Variants in CA5B observed in about 807,000 individuals in gnomAD.
CA5B encodes the protein carbonic anhydrase 5B.
CA5B carries 15 observed loss-of-function variants against 23.1 expected under a neutral mutation model. That is an observed-to-expected ratio of 0.65 (90% CI 0.43 to 1.00). The LOEUF is 1.00. CA5B is among the 50% of genes least tolerant of loss of function. CA5B has a pLI of 0.00. For missense variants in CA5B, 236 were observed against 252.2 expected (o/e 0.94, Z 0.43); for synonymous variants, 84 against 98.5 (o/e 0.85, Z 0.87).
intron 2 of CA5B, among the ~76,000 whole-genome samples, chrX:15,763,762 G>A (rs1168777823): frequency 8.9e-6 from 1 of 112,036 alleles, no homozygotes; most frequent in East Asian, 2.8e-4. Flanking sequence ...TGAGATACTG[G>A]TAGTATGGGA....
At chrX:15,750,200 G>A in intron 2 of CA5B, 35 bp downstream of exon 2, 1 of 1,042,151 alleles carries the variant, frequency 9.6e-7, no homozygotes, top group Non-Finnish European at 1.3e-6. Context: ...GAACAAAAAG[G>A]GCTCCAGCCT....
chrX:15,776,747 T>C lies in CA5B; in HGVS notation c.652T>C (p.Ser218Pro). 6.6e-6 allele frequency: 8 copies of C among 1,209,633 alleles called. No homozygotes were observed. Among genetic ancestry groups the C allele is most frequent in the Non-Finnish European group, 9.0e-6 (8 of 893,403 alleles). The part of the protein sequence containing the change: ...ALVEFGSFDP[S>P]CLMPTCPDYW... ...TGTGGAATTTGGGTCATTTGACCCT[T>C]CCTGCCTGATGCCTACCTGCCCAGA... The change falls in exon 7 of 8, where the codon TCC becomes CCC. Residue 218 changes from serine (S) to proline (P), a missense_variant. Around this residue, in one of 3 missense-constraint regions of CA5B, gnomAD observed 170 missense variants for 162.0 expected, o/e 1.05. Transcript: ENST00000318636.
At chrX:15,757,098 G>T (rs756964419) in intron 2 of CA5B, among the ~76,000 whole-genome samples, 86 of 100,128 alleles carry the variant, frequency 8.6e-4, no homozygotes, top group African/African-American at 3.0e-3. Flanking sequence ...GTAGATGGCC[G>T]GGTGCAGTGG....
chrX:15,740,736 G>A (rs1220358742), intron 1 of CA5B, among the ~76,000 whole-genome samples: 2 of 112,317 alleles, frequency 1.8e-5, no homozygotes, highest in African/African-American at 6.5e-5. Flanking sequence ...TTTCCTCTCA[G>A]CTATCCCATT....
chrX:15,740,438 G>A (rs1367057329), intron 1 of CA5B, among the ~76,000 whole-genome samples: 1 of 112,467 alleles, frequency 8.9e-6, no homozygotes, highest in East Asian at 2.8e-4. Flanking sequence ...CCTTAGGCCT[G>A]AACAAAAATA....
At chrX:15,752,975 T>C (rs1426297209) in intron 2 of CA5B, among the ~76,000 whole-genome samples, 1 of 111,205 alleles carries the variant, frequency 9.0e-6, no homozygotes, top group Non-Finnish European at 1.9e-5. Flanking sequence ...TAAATTTACC[T>C]ATAGCGTAGA....
At position 15,784,458 on chromosome X, in the gene CA5B, G is replaced by A. The variant is rs1386169208; in HGVS notation, c.*1794G>A. On this transcript the variant is annotated 3_prime_UTR_variant, in exon 8 of 8. Coordinates refer to ENST00000318636, the MANE Select transcript of CA5B (RefSeq NM_007220.4). Reference sequence around the variant, plus strand: ...ATAGGGAGAGAAACTTGTCAGATAGGCTAAAATCTAGATAATTCTACATAT... The same window carrying A: ...ATAGGGAGAGAAACTTGTCAGATAGACTAAAATCTAGATAATTCTACATAT... 1 of 111,968 alleles carries A rather than the reference G, an allele frequency of 8.9e-6. No individual in the cohort carries two copies. Among genetic ancestry groups the A allele is most frequent in the Non-Finnish European group, 1.9e-5 (1 of 53,231 alleles). 9.2% of individuals were successfully genotyped at this position (111,968 alleles called of 1,213,427 possible).
At chrX:15,779,246 C>T (rs980796648) in intron 7 of CA5B, among the ~76,000 whole-genome samples, 8 of 111,367 alleles carry the variant, frequency 7.2e-5, no homozygotes, top group Non-Finnish European at 1.3e-4. Flanking sequence ...GATTGATGTT[C>T]CAGCTCAAGC....
At chrX:15,776,478 G>A (rs1417442817) in intron 6 of CA5B, among the ~76,000 whole-genome samples, 1 of 111,655 alleles carries the variant, frequency 9.0e-6, no homozygotes, top group Non-Finnish European at 1.9e-5. Flanking sequence ...AGATCAAGTG[G>A]TTTTGGCCGT....
chrX:15,776,858 G>A lies in CA5B; in HGVS notation c.763G>A (p.Asp255Asn). Residue 255 changes from aspartate (D) to asparagine (N), a missense_variant, in exon 7 of 8, where the codon GAT (aspartate) becomes AAT (asparagine). Around this residue, in one of 3 missense-constraint regions of CA5B, gnomAD observed 170 missense variants for 162.0 expected, o/e 1.05. Transcript: ENST00000318636. ...CATTAAGAAGCAACCAGTAGAGGTT[G>A]ATCATGATCAGGTATGTTCTCTCCA... is the stretch of plus-strand genomic sequence containing the variant. Reference protein sequence around the residue: ...WIIKKQPVEVDHDQLEQFRTL... With the variant: ...WIIKKQPVEVNHDQLEQFRTL... 8.3e-7 allele frequency: 1 copy of A among 1,207,448 alleles called. No homozygotes were observed. Among genetic ancestry groups the A allele is most frequent in the Non-Finnish European group, 1.1e-6 (1 of 892,005 alleles).
intron 1 of CA5B, among the ~76,000 whole-genome samples, chrX:15,743,080 T>C (rs1931155471): frequency 8.9e-6 from 1 of 112,499 alleles, no homozygotes; most frequent in African/African-American, 3.2e-5. Context: ...TCCTACTGCC[T>C]TCCTCCTGGT....
chrX:15,777,682 T>C (rs974323296), intron 7 of CA5B, among the ~76,000 whole-genome samples: 4 of 112,560 alleles, frequency 3.6e-5, no homozygotes, highest in African/African-American at 9.7e-5. Flanking sequence ...ATGATATTAA[T>C]GTAATTCATT....
At chrX:15,759,193 TC>T (rs1377175393) in intron 2 of CA5B, among the ~76,000 whole-genome samples, 1 of 111,148 alleles carries the variant, frequency 9.0e-6, no homozygotes, top group African/African-American at 3.3e-5. Flanking sequence ...GAATGAGCTT[TC>T]CGTGTTTCAA....
intron 1 of CA5B, among the ~76,000 whole-genome samples, chrX:15,745,168 C>CAAAAAAAAAAAAAAAAAAAA (rs371053756): frequency 5.8e-5 from 2 of 34,320 alleles, no homozygotes; most frequent in African/African-American, 1.1e-4. Flanking sequence ...GACTCTGTCT[C>CAAAAAAAAAAAAAAAAAAAA]AAAAAAAAAA....
At position 15,750,100 on chromosome X, in the gene CA5B, C is replaced by T. The variant is rs769809997; in HGVS notation, c.77C>T (p.Pro26Leu). The change falls in exon 2 of 8, where the codon CCG (proline) becomes CTG (leucine). Residue 26 changes from proline (P) to leucine (L), a missense_variant. By Grantham distance (98) the Pro-to-Leu change is moderately conservative. Transcript: ENST00000318636. ...TTGCTGTGGAGAAAGTTCCAGATTC[C>T]GAGATTCATGCCAGCGAGGCCCTGC... ...GKLLWRKFQI[P>L]RFMPARPCSL... The T allele has an allele frequency of 2.7e-5, 33 of 1,210,028 alleles. No individual in the cohort carries two copies. Among genetic ancestry groups the T allele is most frequent in the Admixed American group, 1.3e-4 (6 of 45,765 alleles).
At chrX:15,769,591 C>T in intron 3 of CA5B, 1 of 753,408 alleles carries the variant, frequency 1.3e-6, no homozygotes, top group African/African-American at 2.3e-5. Flanking sequence ...TGCGGCAGTG[C>T]CAGTGAACCT....
At chrX:15,772,636 C>G (rs756386181) in intron 4 of CA5B, 22 bp downstream of exon 4, 4 of 942,000 alleles carry the variant, frequency 4.2e-6, no homozygotes, top group Non-Finnish European at 4.5e-6. Context: ...AGGTCAGGAA[C>G]AGTGACAACT....
At chrX:15,738,685 G>A (rs1931059576) in intron 1 of CA5B, among the ~76,000 whole-genome samples, 1 of 111,524 alleles carries the variant, frequency 9.0e-6, no homozygotes, top group African/African-American at 3.3e-5. Context: ...TCCTTGGTAG[G>A]TAGGGTTGCC....
chrX:15,774,995 A>G (rs1931894544), intron 5 of CA5B, among the ~76,000 whole-genome samples: 1 of 113,047 alleles, frequency 8.8e-6, no homozygotes, highest in Non-Finnish European at 1.9e-5. Flanking sequence ...TCAATTTAAG[A>G]ACTTAAATGA....
Sources: gnomAD v4.1 joint callset for allele counts (sites outside exome capture counted in the v4.1 genomes callset) on GRCh38, gnomAD v4.1.1 for gene constraint, gnomAD v4.1.1 regional missense constraint, MANE v1.5 for transcripts, NCBI Gene and HGNC (gene_info 2026-07-23, HGNC 2026-07-21) for gene names.